NOTUM: variants seen among roughly 807,000 people sequenced by gnomAD.
NOTUM encodes notum, palmitoleoyl-protein carboxylesterase.
A neutral mutation model predicts 65.5 loss-of-function variants in NOTUM; 36 were observed. That is an observed-to-expected ratio of 0.55 (90% CI 0.42 to 0.73). The LOEUF (loss-of-function observed/expected upper bound fraction) is 0.73. NOTUM is among the 30% of genes least tolerant of loss of function. NOTUM has a pLI of 0.00. For synonymous variants in NOTUM, 356 were observed against 297.9 expected (o/e 1.20, Z -2.01); for missense variants, 659 against 694.2 (o/e 0.95, Z 0.57).
At chr17:81,959,946 C>A (rs2041461781) in intron 1 of NOTUM, 1 of 176,102 alleles carries the variant, frequency 5.7e-6, no homozygotes. Flanking sequence ...GGCGCGGGTC[C>A]CGCTGTCACC....
rs367626091 is a variant in NOTUM at position 81,953,049 on chromosome 17, A to T, written c.1403T>A (p.Met468Lys). The change falls in exon 11 of 11, where the codon ATG becomes AAG. Residue 468 changes from methionine (M) to lysine (K), a missense_variant. Transcript: ENST00000409678. The stretch of plus-strand genomic sequence containing the variant: ...CGTCTGCATGTCGAAGCCCATGTGC[A>T]TGAGGAACTGGGCCACGTTCATCTC... Reference protein sequence around the residue: ...GQEMNVAQFLMHMGFDMQTVA... With the variant: ...GQEMNVAQFLKHMGFDMQTVA... 6.2e-7 allele frequency: 1 copy of T among 1,613,896 alleles called. No homozygotes were observed. Among genetic ancestry groups the T allele is most frequent in the Non-Finnish European group, 8.5e-7 (1 of 1,179,850 alleles).
intron 9 of NOTUM, among the ~76,000 whole-genome samples, chr17:81,954,966 C>G (rs571035192): frequency 2.5e-4 from 38 of 150,740 alleles, no homozygotes; most frequent in African/African-American, 8.8e-4. Context: ...TCTCCTCTCT[C>G]TCTTTCTCTC....
chr17:81,956,927 G>A lies in NOTUM; in HGVS notation c.843C>T (p.Asp281=). ...CCTCCGTGGGCGCGCACGTGATCGT[G>A]TCGACGCAGTCTGTGTGGCGATACT... ...NKQYRHTDCV[D]TITCAPTEAI... is the part of the protein sequence containing the mutation. Residue 281 remains aspartate (D), a synonymous_variant, in exon 7 of 11, where the codon GAC becomes GAT. Transcript: ENST00000409678. 6.2e-7 allele frequency: 1 copy of A among 1,612,802 alleles called. No individual in the cohort carries two copies. The highest frequency in any genetic ancestry group is 1.7e-4 in the Middle Eastern group (1 of 6,058).
chr17:81,958,089 C>G (rs2041446868), intron 5 of NOTUM, among the ~76,000 whole-genome samples, 181 bp from the exon 6 acceptor site: 1 of 152,176 alleles, frequency 6.6e-6, no homozygotes, highest in Admixed American at 6.5e-5. Flanking sequence ...GCTGGGGCCT[C>G]CTCCCCAGGG....
chr17:81,956,884 T>C lies in NOTUM; in HGVS notation c.886A>G (p.Arg296Gly), dbSNP rs756544524. The change falls in exon 7 of 11, where the codon AGG becomes GGG. Residue 296 changes from arginine (R) to glycine (G), a missense_variant and splice_region_variant. Coordinates refer to ENST00000409678, the MANE Select transcript of NOTUM (RefSeq NM_178493.6). ...GACGGGCCCTCCCCGCTGCGGCACC[T>C]GATGCCACGGCGGATGGCCTCCGTG... is the stretch of plus-strand genomic sequence containing the variant. ...APTEAIRRGI[R>G]YWNGVVPERC... The C allele has an allele frequency of 1.1e-5, 17 of 1,608,474 alleles. No individual in the cohort carries two copies. Among genetic ancestry groups the C allele is most frequent in the Non-Finnish European group, 1.4e-5 (17 of 1,177,986 alleles).
rs2041398420 is a variant in NOTUM at position 81,952,957 on chromosome 17, C to T, written c.*4G>A. The T allele has an allele frequency of 1.2e-6, 2 of 1,613,090 alleles. No homozygotes were observed. The highest frequency in any genetic ancestry group is 3.3e-5 in the Admixed American group (2 of 59,972). Reference sequence around the variant, plus strand: ...AGTGCCGGCTCCTCCTCCAGACAGTCTGCCTAGCTTCCGTTGCTCAGCATC... The same window carrying T: ...AGTGCCGGCTCCTCCTCCAGACAGTTTGCCTAGCTTCCGTTGCTCAGCATC... On this transcript the variant is annotated 3_prime_UTR_variant, in exon 11 of 11. Coordinates refer to ENST00000409678, the MANE Select transcript of NOTUM (RefSeq NM_178493.6).
Position 81,959,466 on chromosome 17 carries a change from C to T in NOTUM, c.472+5G>A. ...GAGACGCCTTCCCCAGGGCCCGCCG[C>T]TGACCTGTGCGAGTGCGCGGCCAGT... On this transcript the variant is annotated splice_donor_5th_base_variant and intron_variant, in intron 3 of 10. Transcript: ENST00000409678. 1.9e-6 allele frequency: 3 copies of T among 1,545,448 alleles called. No homozygotes were observed. The highest frequency in any genetic ancestry group is 2.6e-6 in the Non-Finnish European group (3 of 1,145,218).
At position 81,953,141 on chromosome 17, in the gene NOTUM, C is replaced by A; in HGVS notation, c.1311G>T (p.Val437=). The part of the protein sequence containing the change: ...TPLKGCPVHL[V]DSCPWPHCNP... ...TGCAGTGGGGCCAGGGGCAGCTGTC[C>A]ACCAGGTGGACGGGGCAGCCCTTGA... The change falls in exon 11 of 11, where the codon GTG becomes GTT. Residue 437 remains valine (V), a synonymous_variant. Coordinates refer to ENST00000409678, the MANE Select transcript of NOTUM (RefSeq NM_178493.6). 6.2e-7 allele frequency: 1 copy of A among 1,613,394 alleles called. No individual in the cohort carries two copies. The highest frequency in any genetic ancestry group is 1.1e-5 in the South Asian group (1 of 91,034).
chr17:81,957,070 C>A lies in NOTUM; in HGVS notation c.700G>T (p.Gly234Trp). Residue 234 changes from glycine (G) to tryptophan (W), a missense_variant, in exon 7 of 11, where the codon GGG becomes TGG. Coordinates refer to ENST00000409678, the MANE Select transcript of NOTUM (RefSeq NM_178493.6). The part of the protein sequence containing the change: ...KVLLLAGSSA[G>W]GTGVLLNVDR... ...ACATTCAGGAGCACCCCGGTGCCCC[C>A]CGCGCTGCAAGGAGGGCCAGACGTG... 2 of 1,598,966 alleles carry A rather than the reference C, an allele frequency of 1.3e-6. No homozygotes were observed. The highest frequency in any genetic ancestry group is 1.7e-6 in the Non-Finnish European group (2 of 1,176,634).
chr17:81,954,830 T>C (rs2041416373), intron 9 of NOTUM, among the ~76,000 whole-genome samples: 1 of 152,158 alleles, frequency 6.6e-6, no homozygotes, highest in South Asian at 2.1e-4. Context: ...TTGCCCTGGC[T>C]GGTCTTAGAC....
chr17:81,953,588 C>G (rs1398816122), intron 10 of NOTUM, among the ~76,000 whole-genome samples: 2 of 152,088 alleles, frequency 1.3e-5, no homozygotes, highest in South Asian at 2.1e-4. Context: ...GCCACCGTAT[C>G]TAGCCTGGGT....
chr17:81,959,433 C>G (rs1272534130), intron 3 of NOTUM, 38 bp downstream of exon 3: 4 of 1,487,770 alleles, frequency 2.7e-6, no homozygotes, highest in Non-Finnish European at 3.6e-6. Flanking sequence ...CCTCCCGGGC[C>G]TCACGTCGAG....
At chr17:81,959,083 T>A in intron 3 of NOTUM, 88 bp from the exon 4 acceptor site, 3 of 1,129,252 alleles carry the variant, frequency 2.7e-6, no homozygotes, top group Non-Finnish European at 2.7e-6. Flanking sequence ...TTGGGGCTCC[T>A]ACTTGGCCCC....
chr17:81,959,577 G>C lies in NOTUM; in HGVS notation c.377-11C>G. The C allele has an allele frequency of 6.5e-7, 1 of 1,548,088 alleles. No individual in the cohort carries two copies. Among genetic ancestry groups the C allele is most frequent in the Non-Finnish European group, 8.7e-7 (1 of 1,145,976 alleles). On this transcript the variant is annotated splice_polypyrimidine_tract_variant and intron_variant, in intron 2 of 10. Coordinates refer to ENST00000409678, the MANE Select transcript of NOTUM (RefSeq NM_178493.6). Reference sequence around the variant, plus strand: ...AGCAGTACCAGCCGCCTGCGGACACGACCGCCGCTCAGGCCCGCGCGCACA... The same window carrying C: ...AGCAGTACCAGCCGCCTGCGGACACCACCGCCGCTCAGGCCCGCGCGCACA...
Position 81,960,944 on chromosome 17 carries a change from AGGCGGCGGC to A in NOTUM, c.-44_-36del, listed in dbSNP as rs752697929. ...CACCTGCGGGGAGCGGGCGGCCTTG[AGGCGGCGGC>A]GGCGGCGGCGGGGGATGCCGGGCCG... On this transcript the variant is annotated 5_prime_UTR_variant, in exon 1 of 11. Coordinates refer to ENST00000409678, the MANE Select transcript of NOTUM (RefSeq NM_178493.6). The surrounding 1 kb of genome is among the most constrained non-coding windows in gnomAD (Gnocchi z 6.4). 22 of 1,171,502 alleles carry A rather than the reference AGGCGGCGGC, an allele frequency of 1.9e-5. No individual in the cohort carries two copies. The South Asian group carries it at 3.0e-4, about 16-fold the overall frequency. The allele number at this position is 1,171,502 out of a possible 1,614,324, so 72.6% of individuals were successfully genotyped here.
At position 81,960,777 on chromosome 17, in the gene NOTUM, C is replaced by T; in HGVS notation, c.133G>A (p.Ala45Thr). 2.6e-6 allele frequency: 4 copies of T among 1,566,306 alleles called. No homozygotes were observed. Among genetic ancestry groups the T allele is most frequent in the Non-Finnish European group, 3.5e-6 (4 of 1,156,990 alleles). Reference sequence around the variant, plus strand: ...GGGAAGCTCTCCACGGGCTGTCCGGCCGCCGGCGCCGCCTCGGTCCGCGGG... The same window carrying T: ...GGGAAGCTCTCCACGGGCTGTCCGGTCGCCGGCGCCGCCTCGGTCCGCGGG... Reference protein sequence around the residue: ...PPPRTEAAPAAGQPVESFPLD... With the variant: ...PPPRTEAAPATGQPVESFPLD... Residue 45 changes from alanine to threonine, a missense_variant, in exon 1 of 11, where the codon GCC (alanine) becomes ACC (threonine). Transcript: ENST00000409678. This position sits in a 1 kb window ranked among gnomAD's most constrained non-coding sequence, Gnocchi z 6.4.
intron 4 of NOTUM, 23 bp from the exon 5 acceptor site, chr17:81,958,416 C>G: frequency 6.3e-7 from 1 of 1,576,590 alleles, no homozygotes; most frequent in South Asian, 1.1e-5. Flanking sequence ...ACAGAGTGAG[C>G]CTGTCACAGC....
At chr17:81,953,387 C>T in intron 10 of NOTUM, 120 bp from the exon 11 acceptor site, 2 of 660,642 alleles carry the variant, frequency 3.0e-6, no homozygotes, top group Admixed American at 5.5e-5. Flanking sequence ...CCTCCGCCTC[C>T]CGGGTTCAAG....
chr17:81,960,836 G>A lies in NOTUM; in HGVS notation c.74C>T (p.Thr25Ile), dbSNP rs902915197. ...CGGCTGCTGACCCCGGCGCCGCCAGGTCTTCCTGCCCTCGCTGCCCCCGGC... is the reference window on the plus strand; with the variant it reads ...CGGCTGCTGACCCCGGCGCCGCCAGATCTTCCTGCCCTCGCTGCCCCCGGC... ...HCAGGSEGRK[T>I]WRRRGQQPPP... Residue 25 changes from threonine to isoleucine, a missense_variant, in exon 1 of 11, where the codon ACC (threonine) becomes ATC (isoleucine). By Grantham distance (89) the Thr-to-Ile change is moderately conservative (BLOSUM62 -1). Transcript: ENST00000409678. The surrounding 1 kb of genome is among the most constrained non-coding windows in gnomAD (Gnocchi z 6.4). 4.0e-6 allele frequency: 6 copies of A among 1,515,320 alleles called. No homozygotes were observed. Among genetic ancestry groups the A allele is most frequent in the South Asian group, 1.2e-5 (1 of 81,594 alleles). 93.9% of individuals were successfully genotyped at this position (1,515,320 alleles called of 1,614,324 possible).
Sources: gnomAD v4.1 joint callset for allele counts (sites outside exome capture counted in the v4.1 genomes callset) on GRCh38, gnomAD v4.1.1 for gene constraint, Gnocchi (gnomAD v3.1) non-coding constraint, MANE v1.5 for transcripts, NCBI Gene and HGNC (gene_info 2026-07-23, HGNC 2026-07-21) for gene names.